Variants in NCOR1 observed in about 807,000 individuals in gnomAD.
The protein encoded by NCOR1 is protein phosphatase 1, regulatory subunit 109.
Under a neutral mutation model 288.1 loss-of-function variants are expected in NCOR1, and 63 were observed. The ratio of observed to expected loss-of-function variants is 0.22; its 90% CI spans 0.18 to 0.27. NCOR1 has a LOEUF of 0.27. Among genes scored for constraint, NCOR1 ranks in the 10% least tolerant of loss-of-function variants. NCOR1 has a pLI of 1.00. For missense variants in NCOR1, 2,397 were observed against 3,019.2 expected, an observed-to-expected ratio of 0.79 and a Z score of 4.83; for synonymous variants, 1,007 against 1,065.9, an observed-to-expected ratio of 0.94 and a Z score of 1.08.
At chr17:16,152,078 A>AC in intron 7 of NCOR1, 80 bp from the exon 8 acceptor site, 4 of 880,316 alleles carry the variant, frequency 4.5e-6, no homozygotes, top group Admixed American at 2.7e-5. Context: ...ATTTTAATGT[A>AC]AGCACAGGTA....
rs1378197371 is a variant in NCOR1, at chr17:16,113,399, T to C, written c.2056-4487A>G. On this transcript the variant is annotated intron_variant, in intron 18 of 45. Transcript: ENST00000268712. ...TGGATTACATTAAGTAATCTAATGTTTTGGTTGAAGTATAAGAAAACAATG... is the reference window on the plus strand; with the variant it reads ...TGGATTACATTAAGTAATCTAATGTCTTGGTTGAAGTATAAGAAAACAATG... Among the ~76,000 whole-genome samples, 8 of 152,270 alleles carry C rather than the reference T, an allele frequency of 5.3e-5. 1 individual carries two copies. In the South Asian group the frequency reaches 1.7e-3, roughly 32 times the overall value.
intron 44 of NCOR1, among the ~76,000 whole-genome samples, chr17:16,037,433 C>T (rs192030677): frequency 4.9e-4 from 75 of 151,756 alleles, no homozygotes; most frequent in African/African-American, 1.8e-3. Flanking sequence ...CACAATAAAA[C>T]GAGGTATGCT....
chr17:16,039,560 A>T lies in NCOR1; in HGVS notation c.6828T>A (p.Asp2276Glu), dbSNP rs1395725608. ...CAACTCCATGATCCTCAACTTTGTC[A>T]TCAAAGCTTCCCATGAGAGCCTTCC... ...IIRKALMGSF[D>E]DKVEDHGVVM... Residue 2276 changes from aspartate to glutamate, a missense_variant, in exon 44 of 46, where the codon GAT becomes GAA. Physicochemically the swap from Asp to Glu is conservative, Grantham distance 45. Around this residue, in one of 11 missense-constraint regions of NCOR1, gnomAD observed 1,872 missense variants for 2,187.8 expected, o/e 0.86. Transcript: ENST00000268712. 6.2e-7 allele frequency: 1 copy of T among 1,614,146 alleles called. No individual in the cohort carries two copies. Among genetic ancestry groups the T allele is most frequent in the Non-Finnish European group, 8.5e-7 (1 of 1,180,030 alleles).
At chr17:16,200,663 G>A (rs375287332) in intron 1 of NCOR1, among the ~76,000 whole-genome samples, 1 of 152,196 alleles carries the variant, frequency 6.6e-6, no homozygotes, top group South Asian at 2.1e-4. Context: ...TAATTTTTAC[G>A]TGATAAAATA....
At chr17:16,070,995 C>A (rs2061687058) in intron 30 of NCOR1, among the ~76,000 whole-genome samples, 1 of 151,260 alleles carries the variant, frequency 6.6e-6, no homozygotes. Context: ...TGCCATTACA[C>A]AAAGGCCAAG....
chr17:16,065,136 A>G, intron 33 of NCOR1, 117 bp from the exon 34 acceptor site: 1 of 957,784 alleles, frequency 1.0e-6, no homozygotes. Context: ...TAATATAAAT[A>G]AAAATGTTTA....
rs1294940889 is a variant in NCOR1 at position 16,127,169 on chromosome 17, ATGTATGTATATATC to A, written c.1510-977_1510-964del. Among the ~76,000 whole-genome samples the A allele has an allele frequency of 7.6e-5, 10 of 131,958 alleles. 2 individuals carry two copies. Among genetic ancestry groups the A allele is most frequent in the African/African-American group, 3.5e-4 (10 of 28,624 alleles). The allele number at this position is 131,958 out of a possible 152,430, so 86.6% of individuals were successfully genotyped here. ...TGTATATATCTGTATGTATATATAC[ATGTATGTATATATC>A]TGTATGTATATATACATGTATGTAT... On this transcript the variant is annotated intron_variant, in intron 14 of 45. Transcript: ENST00000268712.
intron 6 of NCOR1, among the ~76,000 whole-genome samples, chr17:16,157,405 A>T (rs1208955524): frequency 1.3e-5 from 2 of 152,226 alleles, no homozygotes; most frequent in African/African-American, 2.4e-5. Flanking sequence ...GATGACTCTC[A>T]GTTATCTACT....
rs764152980 is a variant in NCOR1, at chr17:16,070,153, A to G, written c.4513+12T>C. The G allele has an allele frequency of 7.0e-6, 11 of 1,579,594 alleles. No individual in the cohort carries two copies. The South Asian group carries it at 8.2e-5, about 12-fold the overall frequency. The stretch of plus-strand genomic sequence containing the variant: ...ATAAAAAGTATCAGACCAAGCAACA[A>G]AAGTAACATACCATCAGAAGTTCTG... On this transcript the variant is annotated intron_variant, in intron 31 of 45. Coordinates refer to ENST00000268712, the MANE Select transcript of NCOR1 (RefSeq NM_006311.4).
In NCOR1 at chr17:16,034,812, T is replaced by C. The variant is rs1973844484; in HGVS notation, c.7088A>G (p.His2363Arg). The C allele has an allele frequency of 6.2e-7, 1 of 1,614,142 alleles. No individual in the cohort carries two copies. The highest frequency in any genetic ancestry group is 1.7e-5 in the Admixed American group (1 of 60,020). ...VSSVHSEGDYHRQTPGWAWED... is the reference protein window; with the variant it reads ...VSSVHSEGDYRRQTPGWAWED... ...CCAGGCCCACCCTGGCGTCTGCCTA[T>C]GGTAATCCCCTTCTGAATGTACAGA... is the stretch of plus-strand genomic sequence containing the variant. The change falls in exon 45 of 46, where the codon CAT (histidine) becomes CGT (arginine). Residue 2363 changes from histidine to arginine, a missense_variant. His to Arg is a conservative substitution (Grantham distance 29). Around this residue, in one of 11 missense-constraint regions of NCOR1, gnomAD observed 1,872 missense variants for 2,187.8 expected, o/e 0.86. Transcript: ENST00000268712.
chr17:16,106,937 G>A lies in NCOR1; in HGVS notation c.2182+1849C>T, dbSNP rs1449957988. ...TGAGACAGTCTCGCTCTGTCGCCCAGGCTGGAGTGCAGTGGCGTGATCTCA... is the reference window on the plus strand; with the variant it reads ...TGAGACAGTCTCGCTCTGTCGCCCAAGCTGGAGTGCAGTGGCGTGATCTCA... On this transcript the variant is annotated intron_variant, in intron 19 of 45. Transcript: ENST00000268712. 5.0e-4 allele frequency among the ~76,000 whole-genome samples: 62 copies of A among 123,270 alleles called. 1 individual carries two copies. Among genetic ancestry groups the A allele is most frequent in the Non-Finnish European group, 6.3e-4 (40 of 63,208 alleles). 80.9% of individuals were successfully genotyped at this position (123,270 alleles called of 152,430 possible).
chr17:16,104,560 CAG>C (rs553332555), intron 19 of NCOR1, among the ~76,000 whole-genome samples: 84 of 152,266 alleles, frequency 5.5e-4, no homozygotes, highest in African/African-American at 1.9e-3. Context: ...TGCCTGAGGC[CAG>C]GAGTTCAAGA....
intron 19 of NCOR1, among the ~76,000 whole-genome samples, chr17:16,103,408 CT>C (rs2067988484): frequency 6.6e-6 from 1 of 152,216 alleles, no homozygotes; most frequent in South Asian, 2.1e-4. Flanking sequence ...ATAGAGTTGT[CT>C]TTTTAAAAGC....
chr17:16,127,048 T>C (rs2074179064), intron 14 of NCOR1, among the ~76,000 whole-genome samples: 1 of 151,994 alleles, frequency 6.6e-6, no homozygotes, highest in South Asian at 2.1e-4. Context: ...TTATTATTTG[T>C]TACTGTTAAT....
Position 16,057,940 on chromosome 17 carries a change from G to A in NCOR1, c.6135C>T (p.Thr2045=), listed in dbSNP as rs547123634. ...GATCAGCAAGTGTGATCAGCCGATG[G>A]GTCCTGGGCACTTGCCCCATTCCCT... is the stretch of plus-strand genomic sequence containing the variant. ...QAEGMGQVPR[T]HRLITLADHI... The change falls in exon 39 of 46, where the codon ACC becomes ACT. Residue 2045 remains threonine (T), a synonymous_variant. Transcript: ENST00000268712. 1.2e-6 allele frequency: 2 copies of A among 1,613,144 alleles called. No homozygotes were observed. Among genetic ancestry groups the A allele is most frequent in the African/African-American group, 2.7e-5 (2 of 75,040 alleles).
Position 16,061,779 on chromosome 17 carries a change from C to T in NCOR1, c.5503G>A (p.Asp1835Asn). Residue 1835 changes from aspartate to asparagine, a missense_variant, in exon 37 of 46, where the codon GAT becomes AAT. By Grantham distance (23) the Asp-to-Asn change is conservative (BLOSUM62 1). Coordinates refer to ENST00000268712, the MANE Select transcript of NCOR1 (RefSeq NM_006311.4). ...VDAAASAPQM[D>N]VSKTKESKHE... is the part of the protein sequence containing the mutation. ...TTACTCTCTTTTGTTTTGGACACATCCATCTGGGGTGCAGAAGCTGCAGCA... is the reference window on the plus strand; with the variant it reads ...TTACTCTCTTTTGTTTTGGACACATTCATCTGGGGTGCAGAAGCTGCAGCA... 1 of 1,614,220 alleles carries T rather than the reference C, an allele frequency of 6.2e-7. No individual in the cohort carries two copies. The highest frequency in any genetic ancestry group is 8.5e-7 in the Non-Finnish European group (1 of 1,180,038).
In NCOR1 at chr17:16,092,678, TATATATATATATATATA is replaced by T. The variant is rs1233401178; in HGVS notation, c.2821-637_2821-621del. On this transcript the variant is annotated intron_variant, in intron 21 of 45. Coordinates refer to ENST00000268712, the MANE Select transcript of NCOR1 (RefSeq NM_006311.4). Reference sequence around the variant, plus strand: ...ATATATATATATATATATATATATATATATATATATATATATATTTTTTTTTTTTTTTTTTTTTAAGA... The same window carrying T: ...ATATATATATATATATATATATATATTTTTTTTTTTTTTTTTTTTTTAAGA... Among the ~76,000 whole-genome samples, 143 of 24,978 alleles carry T rather than the reference TATATATATATATATATA, an allele frequency of 5.7e-3. 4 individuals are homozygous for T. The highest frequency in any genetic ancestry group is 5.9e-3 in the East Asian group (2 of 338). The allele number at this position is 24,978 out of a possible 152,430, so 16.4% of individuals were successfully genotyped here.
At chr17:16,044,970 T>A in intron 42 of NCOR1, 1 of 537,370 alleles carries the variant, frequency 1.9e-6, no homozygotes. Context: ...AAATTTCTTA[T>A]AACGTGTTCA....
chr17:16,030,305 A>G lies in NCOR1; in HGVS notation c.*1991T>C. The G allele has an allele frequency of 4.5e-6, 1 of 224,634 alleles. No homozygotes were observed. Among genetic ancestry groups the G allele is most frequent in the East Asian group, 6.4e-5 (1 of 15,636 alleles). The allele number at this position is 224,634 out of a possible 1,614,324, so 13.9% of individuals were successfully genotyped here. A position where few individuals can be genotyped will look rare whatever the true frequency, so the allele number is the denominator to read the frequency against. On this transcript the variant is annotated 3_prime_UTR_variant, in exon 46 of 46. Transcript: ENST00000268712. ...GGTTGGTCTTGCTATCTTGGGTGGC[A>G]GAGGTGGAAGAAAATCCATGTATAA...
Sources: allele counts gnomAD v4.1 joint callset (sites outside exome capture counted in the v4.1 genomes callset), GRCh38; gene constraint gnomAD v4.1.1; regional missense constraint gnomAD v4.1.1; transcripts MANE v1.5; gene names NCBI Gene and HGNC (gene_info 2026-07-23, HGNC 2026-07-21).